Variants in DCC observed in about 807,000 individuals in gnomAD.
The protein encoded by DCC is DCC netrin 1 receptor.
DCC carries 58 observed loss-of-function variants against 172.5 expected under a neutral mutation model. The ratio of observed to expected loss-of-function variants is 0.34; its 90% CI spans 0.27 to 0.42. The LOEUF is 0.42. DCC is among the 10% of genes least tolerant of loss of function. DCC has a pLI of 1.00. For missense variants in DCC, 1,740 were observed against 1,791.0 expected (o/e 0.97, Z 0.51); for synonymous variants, 709 against 644.5 (o/e 1.10, Z -1.52).
At chr18:53,360,963 G>A (rs2057938528) in intron 15 of DCC, among the ~76,000 whole-genome samples, 2 of 152,156 alleles carry the variant, frequency 1.3e-5, no homozygotes, top group Admixed American at 6.6e-5. Context: ...TCCAGAACCT[G>A]TGACTGTGAC....
intron 12 of DCC, among the ~76,000 whole-genome samples, chr18:53,267,227 C>T: frequency 6.6e-6 from 1 of 152,020 alleles, no homozygotes; most frequent in Non-Finnish European, 1.5e-5. Context: ...TGCTCTGTCA[C>T]CCAGGCTGGA....
intron 7 of DCC, among the ~76,000 whole-genome samples, chr18:53,068,793 G>GTGTGTGTGTGTA (rs1555704896): frequency 1.1e-4 from 17 of 151,340 alleles, no homozygotes; most frequent in Middle Eastern, 3.4e-3. Flanking sequence ...GTGTGTGTGT[G>GTGTGTGTGTGTA]TGTGTATGTG....
At chr18:52,877,801 G>A (rs1272286313) in intron 2 of DCC, among the ~76,000 whole-genome samples, 2 of 62,760 alleles carry the variant, frequency 3.2e-5, no homozygotes, top group Non-Finnish European at 7.3e-5. Flanking sequence ...TTCTGTGGAA[G>A]TCATGAGATT....
At position 53,391,783 on chromosome 18, in the gene DCC, G is replaced by A; in HGVS notation, c.2584G>A (p.Val862Ile). The A allele has an allele frequency of 6.2e-7, 1 of 1,613,980 alleles. No homozygotes were observed. The highest frequency in any genetic ancestry group is 8.5e-7 in the Non-Finnish European group (1 of 1,179,886). ...GGCTCTTACCCATGATGCTGTGAGGGTCAGCTGGGCAGACAACTCTGTCCC... is the reference window on the plus strand; with the variant it reads ...GGCTCTTACCCATGATGCTGTGAGGATCAGCTGGGCAGACAACTCTGTCCC... ...AVALTHDAVRVSWADNSVPKN... is the reference protein window; with the variant it reads ...AVALTHDAVRISWADNSVPKN... Residue 862 changes from valine to isoleucine, a missense_variant, in exon 17 of 29, where the codon GTC becomes ATC. Val to Ile is a conservative substitution (Grantham distance 29). Around this residue, in one of 2 missense-constraint regions of DCC, gnomAD observed 1,732 missense variants for 1,767.4 expected, o/e 0.98. Transcript: ENST00000442544.
At chr18:53,522,200 A>G (rs2046406171) in intron 27 of DCC, among the ~76,000 whole-genome samples, 1 of 152,044 alleles carries the variant, frequency 6.6e-6, no homozygotes, top group African/African-American at 2.4e-5. Flanking sequence ...TGTACCTGCC[A>G]AGGTTTTTAG....
At chr18:53,406,389 A>G (rs1219915432) in intron 19 of DCC, among the ~76,000 whole-genome samples, 3 of 139,246 alleles carry the variant, frequency 2.2e-5, no homozygotes, top group Non-Finnish European at 4.8e-5. Context: ...TAGTAGAGTT[A>G]GGGATTCTGA....
chr18:52,782,610 T>C (rs2037567993), intron 2 of DCC, among the ~76,000 whole-genome samples: 2 of 152,130 alleles, frequency 1.3e-5, no homozygotes, highest in African/African-American at 4.8e-5. Context: ...CGCTGACCTC[T>C]GGAATCTCAG....
intron 2 of DCC, among the ~76,000 whole-genome samples, chr18:52,846,639 A>ACACACACACT: frequency 7.1e-6 from 1 of 140,516 alleles, no homozygotes; most frequent in African/African-American, 2.6e-5. Context: ...ACACACACAC[A>ACACACACACT]CACACACACA....
chr18:53,139,794 T>G (rs2043803337), intron 7 of DCC, among the ~76,000 whole-genome samples: 1 of 152,120 alleles, frequency 6.6e-6, no homozygotes, highest in Admixed American at 6.6e-5. Context: ...CCTCTCCTTC[T>G]CCTGTGTGAC....
intron 9 of DCC, among the ~76,000 whole-genome samples, chr18:53,189,989 C>T (rs536881672): frequency 2.0e-4 from 31 of 152,294 alleles, no homozygotes; most frequent in South Asian, 1.2e-3. Flanking sequence ...TGCAATGGCA[C>T]GATCCTGGCT....
chr18:53,127,148 T>G (rs2043571051), intron 7 of DCC, among the ~76,000 whole-genome samples: 1 of 151,796 alleles, frequency 6.6e-6, no homozygotes, highest in Non-Finnish European at 1.5e-5. Flanking sequence ...TTTTTTTTTT[T>G]TTTCATTTAA....
chr18:52,494,920 A>G (rs1465779146), intron 1 of DCC, among the ~76,000 whole-genome samples: 3 of 152,096 alleles, frequency 2.0e-5, no homozygotes, highest in African/African-American at 7.2e-5. Flanking sequence ...TAGATTATTG[A>G]GCATCCACTG....
intron 1 of DCC, among the ~76,000 whole-genome samples, chr18:52,359,786 C>G (rs1413781390): frequency 6.6e-6 from 1 of 152,196 alleles, no homozygotes; most frequent in African/African-American, 2.4e-5. Flanking sequence ...CTGTCACAGG[C>G]AATACTCAGT....
At chr18:52,995,277 G>C (rs1426380731) in intron 5 of DCC, among the ~76,000 whole-genome samples, 1 of 152,052 alleles carries the variant, frequency 6.6e-6, no homozygotes, top group Non-Finnish European at 1.5e-5. Context: ...CACGTGTCAG[G>C]CTTCTTCTTA....
intron 12 of DCC, among the ~76,000 whole-genome samples, chr18:53,289,684 A>T (rs2056978965): frequency 6.6e-6 from 1 of 152,176 alleles, no homozygotes; most frequent in African/African-American, 2.4e-5. Context: ...TTAACAATCC[A>T]AAAAGAGTGT....
chr18:53,238,855 G>T (rs1300408808), intron 12 of DCC, among the ~76,000 whole-genome samples: 2 of 152,074 alleles, frequency 1.3e-5, no homozygotes, highest in Non-Finnish European at 2.9e-5. Flanking sequence ...AATATTTATT[G>T]AAAGGAACAA....
intron 2 of DCC, among the ~76,000 whole-genome samples, chr18:52,815,635 T>C (rs1429323794): frequency 6.6e-6 from 1 of 152,214 alleles, no homozygotes; most frequent in Non-Finnish European, 1.5e-5. Flanking sequence ...TGTTTTGTTA[T>C]GGCAGCCAGA....
At position 52,610,167 on chromosome 18, in the gene DCC, AAAAAAAAAAAAATATATATAT is replaced by A. The variant is rs1438762388; in HGVS notation, c.92-141885_92-141865del. Among the ~76,000 whole-genome samples, 43 of 23,046 alleles carry A rather than the reference AAAAAAAAAAAAATATATATAT, an allele frequency of 1.9e-3. 1 individual carries two copies. Among genetic ancestry groups the A allele is most frequent in the African/African-American group, 7.6e-3 (41 of 5,400 alleles). The allele number at this position is 23,046 out of a possible 152,430, so 15.1% of individuals were successfully genotyped here. A position where few individuals can be genotyped will look rare whatever the true frequency, so the allele number is the denominator to read the frequency against. On this transcript the variant is annotated intron_variant, in intron 1 of 28. Coordinates refer to ENST00000442544, the MANE Select transcript of DCC (RefSeq NM_005215.4). ...CATCTCTCATAAAAAAAAAAAAAAA[AAAAAAAAAAAAATATATATAT>A]ATATATATATATATATATATATATA...
At chr18:52,475,420 A>G (rs1174982775) in intron 1 of DCC, among the ~76,000 whole-genome samples, 5 of 152,224 alleles carry the variant, frequency 3.3e-5, no homozygotes, top group Non-Finnish European at 7.3e-5. Context: ...CTTTCTGTCA[A>G]GATAAAAAAT....
Sources: gnomAD v4.1 joint callset for allele counts (sites outside exome capture counted in the v4.1 genomes callset) on GRCh38, gnomAD v4.1.1 for gene constraint, gnomAD v4.1.1 regional missense constraint, MANE v1.5 for transcripts, NCBI Gene and HGNC (gene_info 2026-07-23, HGNC 2026-07-21) for gene names.